Variants in OTOGL observed in about 807,000 individuals in gnomAD.
OTOGL encodes otogelin like, also known as otogelin-like protein.
In OTOGL, 285 loss-of-function variants were observed where a neutral mutation model predicts 318.5. The ratio of observed to expected loss-of-function variants is 0.89; its 90% CI spans 0.81 to 0.99. OTOGL has a LOEUF of 0.99. OTOGL is among the 50% of genes least tolerant of loss of function. The pLI is 0.00. For missense variants in OTOGL, 2,899 were observed against 2,845.6 expected (o/e 1.02, Z -0.43); for synonymous variants, 987 against 936.5 (o/e 1.05, Z -0.99).
intron 22 of OTOGL, 74 bp downstream of exon 22, chr12:80,267,401 A>T: frequency 1.4e-6 from 1 of 699,808 alleles, no homozygotes; most frequent in Non-Finnish European, 1.9e-6. Context: ...TTATATATAT[A>T]TATATATTTT....
intron 1 of OTOGL, among the ~76,000 whole-genome samples, chr12:80,181,703 T>C (rs1874932736): frequency 6.6e-6 from 1 of 152,098 alleles, no homozygotes; most frequent in African/African-American, 2.4e-5. Flanking sequence ...AGTGAGCCTA[T>C]CTGCTTTAGG....
chr12:80,347,363 A>T (rs889932858), intron 44 of OTOGL, among the ~76,000 whole-genome samples: 1 of 151,004 alleles, frequency 6.6e-6, no homozygotes, highest in Non-Finnish European at 1.5e-5. Flanking sequence ...TTATTGTTTA[A>T]CTCCCACTTA....
At chr12:80,139,157 A>G (rs1214073567) in intron 1 of OTOGL, among the ~76,000 whole-genome samples, 1 of 152,170 alleles carries the variant, frequency 6.6e-6, no homozygotes, top group Non-Finnish European at 1.5e-5. Context: ...AGGATGGCAT[A>G]AAGGCTGACC....
chr12:80,321,909 G>A lies in OTOGL; in HGVS notation c.4081+1209G>A, dbSNP rs562454822. 2.0e-4 allele frequency among the ~76,000 whole-genome samples: 31 copies of A among 152,298 alleles called. No homozygotes were observed. In the South Asian group the frequency reaches 6.4e-3, roughly 32 times the overall value. On this transcript the variant is annotated intron_variant, in intron 34 of 58. Transcript: ENST00000547103. ...GAGCCAGTCCTCTAGGCTCAGAAAA[G>A]CCCAGGGTGAACTGAATCTTGTCTG... is the stretch of plus-strand genomic sequence containing the variant.
intron 29 of OTOGL, among the ~76,000 whole-genome samples, chr12:80,307,736 G>T (rs1308007497): frequency 1.4e-5 from 2 of 146,004 alleles, no homozygotes; most frequent in Admixed American, 6.7e-5. Flanking sequence ...TGGCCGAGCG[G>T]GGGGCAGACC....
At chr12:80,320,726 G>T in intron 34 of OTOGL, 26 bp downstream of exon 34, 2 of 1,539,246 alleles carry the variant, frequency 1.3e-6, no homozygotes, top group Non-Finnish European at 1.7e-6. Context: ...TCTCCAAAAA[G>T]AGAACAAATA....
Position 80,209,400 on chromosome 12 carries a change from G to T in OTOGL, c.-19-13G>T. The T allele has an allele frequency of 7.3e-7, 1 of 1,377,100 alleles. No individual in the cohort carries two copies. The highest frequency in any genetic ancestry group is 9.7e-7 in the Non-Finnish European group (1 of 1,033,482). The allele number at this position is 1,377,100 out of a possible 1,614,324, so 85.3% of individuals were successfully genotyped here. ...CCATCATAATAAAGACCATCAATTT[G>T]GTTACATTTCAGGGGGAAAGGCTAC... On this transcript the variant is annotated splice_polypyrimidine_tract_variant and intron_variant, in intron 1 of 58. Transcript: ENST00000547103.
At chr12:80,250,920 T>G (rs1881485284) in intron 11 of OTOGL, among the ~76,000 whole-genome samples, 1 of 152,182 alleles carries the variant, frequency 6.6e-6, no homozygotes, top group Non-Finnish European at 1.5e-5. Flanking sequence ...AGGAAATTAT[T>G]TTGGGGGGAA....
At chr12:80,311,755 C>T (rs1018937179) in intron 30 of OTOGL, among the ~76,000 whole-genome samples, 1 of 152,144 alleles carries the variant, frequency 6.6e-6, no homozygotes, top group Non-Finnish European at 1.5e-5. Flanking sequence ...TAAGGAAACA[C>T]CTGATGGTGT....
At chr12:80,249,422 C>A (rs960700240) in intron 11 of OTOGL, among the ~76,000 whole-genome samples, 1 of 151,196 alleles carries the variant, frequency 6.6e-6, no homozygotes, top group Non-Finnish European at 1.5e-5. Context: ...GAATACCCTG[C>A]CGTGTGAGGT....
intron 29 of OTOGL, among the ~76,000 whole-genome samples, chr12:80,307,495 C>T (rs1224780886): frequency 3.3e-5 from 5 of 149,320 alleles, no homozygotes; most frequent in Admixed American, 1.3e-4. Context: ...GGGCTCCTCA[C>T]TTCCCAGTAG....
chr12:80,136,886 A>G (rs1484262216), intron 1 of OTOGL, among the ~76,000 whole-genome samples: 1 of 152,084 alleles, frequency 6.6e-6, no homozygotes, highest in Non-Finnish European at 1.5e-5. Context: ...TTCCCATTCT[A>G]TTAGAATGTA....
intron 7 of OTOGL, among the ~76,000 whole-genome samples, chr12:80,226,730 G>A (rs1878891907): frequency 6.6e-6 from 1 of 152,050 alleles, no homozygotes; most frequent in Non-Finnish European, 1.5e-5. Flanking sequence ...AAGCTTATTG[G>A]ATGCTCTGAA....
At chr12:80,319,316 T>A (rs1180869913) in intron 33 of OTOGL, among the ~76,000 whole-genome samples, 3 of 152,178 alleles carry the variant, frequency 2.0e-5, no homozygotes, top group Admixed American at 1.3e-4. Context: ...CCAGTGATGT[T>A]CAGGCTACCT....
chr12:80,152,781 C>T (rs1416783144), intron 1 of OTOGL, among the ~76,000 whole-genome samples: 3 of 152,132 alleles, frequency 2.0e-5, no homozygotes, highest in Admixed American at 6.5e-5. Context: ...CTCCACCTCC[C>T]GGGTTTAAAA....
intron 1 of OTOGL, among the ~76,000 whole-genome samples, chr12:80,158,743 A>C (rs2137187021): frequency 6.6e-6 from 1 of 152,138 alleles, no homozygotes; most frequent in East Asian, 1.9e-4. Flanking sequence ...AGGAATCTTT[A>C]GGGTTTTCTA....
rs145079380 is a variant in OTOGL at position 80,277,850 on chromosome 12, C to T, written c.2682-318C>T. Among the ~76,000 whole-genome samples, 1,029 of 151,454 alleles carry T rather than the reference C, an allele frequency of 6.8e-3. 4 individuals are homozygous for T. Among genetic ancestry groups the T allele is most frequent in the Non-Finnish European group, 9.6e-3 (647 of 67,576 alleles). On this transcript the variant is annotated intron_variant, in intron 24 of 58. Transcript: ENST00000547103. ...TATTGAAGAACGGGACTCTCATTTCCTCTATAAATTTTTTTTCGGGATGAC... is the reference window on the plus strand; with the variant it reads ...TATTGAAGAACGGGACTCTCATTTCTTCTATAAATTTTTTTTCGGGATGAC...
intron 1 of OTOGL, among the ~76,000 whole-genome samples, chr12:80,173,493 A>G (rs1874340470): frequency 6.6e-6 from 1 of 152,128 alleles, no homozygotes; most frequent in Admixed American, 6.6e-5. Context: ...TTAGCTTATA[A>G]TGAGCAGTGA....
intron 44 of OTOGL, among the ~76,000 whole-genome samples, chr12:80,347,449 A>G (rs1252983750): frequency 6.6e-6 from 1 of 152,124 alleles, no homozygotes; most frequent in Non-Finnish European, 1.5e-5. Flanking sequence ...AGCTTCATCC[A>G]TGTCCCTGCA....
Sources: allele counts gnomAD v4.1 joint callset (sites outside exome capture counted in the v4.1 genomes callset), GRCh38; gene constraint gnomAD v4.1.1; transcripts MANE v1.5; gene names NCBI Gene and HGNC (gene_info 2026-07-23, HGNC 2026-07-21).